Variants in BNIPL observed in about 807,000 individuals in gnomAD.
The protein encoded by BNIPL is BCL2 interacting protein like.
Under a neutral mutation model 47.0 loss-of-function variants are expected in BNIPL, and 33 were observed. The observed-to-expected ratio is 0.70, with a 90% CI of 0.53 to 0.94. The LOEUF (loss-of-function observed/expected upper bound fraction) is 0.94. Ranked by LOEUF, BNIPL falls within the 40% of genes least tolerant of loss-of-function variation. The probability of loss-of-function intolerance (pLI) is 0.00; values close to 1 mark genes in which losing one functional copy is unlikely to be tolerated. For missense variants in BNIPL, 404 were observed against 445.2 expected (o/e 0.91, Z 0.83); for synonymous variants, 145 against 162.7 (o/e 0.89, Z 0.83).
chr1:151,037,206 C>A, intron 1 of BNIPL: 1 of 434,298 alleles, frequency 2.3e-6, no homozygotes, highest in Non-Finnish European at 3.4e-6. Flanking sequence ...GGAGGAAAGG[C>A]AGGCCTAACT....
chr1:151,043,798 CT>C, intron 7 of BNIPL, 71 bp downstream of exon 7: 1 of 1,494,222 alleles, frequency 6.7e-7, no homozygotes, highest in Non-Finnish European at 9.1e-7. Context: ...ATTATTTCTT[CT>C]TCCATTTAGT....
chr1:151,039,058 G>C (rs756549635), intron 4 of BNIPL, 32 bp downstream of exon 4: 1 of 1,535,274 alleles, frequency 6.5e-7, no homozygotes, highest in Non-Finnish European at 8.8e-7. Context: ...TCAGCTGGTA[G>C]AAGTAGAGGC....
At chr1:151,045,367 C>T (rs900127539) in intron 7 of BNIPL, among the ~76,000 whole-genome samples, 3 of 148,082 alleles carry the variant, frequency 2.0e-5, no homozygotes, top group African/African-American at 7.5e-5. Flanking sequence ...GTCAGGAGAT[C>T]GAGACCATGG....
At position 151,045,452 on chromosome 1, in the gene BNIPL, A is replaced by G. The variant is rs1164611498; in HGVS notation, c.852-345A>G. On this transcript the variant is annotated intron_variant, in intron 7 of 9. Coordinates refer to ENST00000368931, the MANE Select transcript of BNIPL (RefSeq NM_138278.4). ...CGGGCGCCTGTAGTCCCAGCTACTCAGGAGGCTGAGGCAGGAGAATGGCAT... is the reference window on the plus strand; with the variant it reads ...CGGGCGCCTGTAGTCCCAGCTACTCGGGAGGCTGAGGCAGGAGAATGGCAT... 11 of 200,638 alleles carry G rather than the reference A, an allele frequency of 5.5e-5. No individual in the cohort carries two copies. The South Asian group carries it at 8.0e-4, about 15-fold the overall frequency. 12.4% of individuals were successfully genotyped at this position (200,638 alleles called of 1,614,324 possible).
chr1:151,043,553 G>C, intron 6 of BNIPL, 43 bp from the exon 7 acceptor site: 1 of 1,587,520 alleles, frequency 6.3e-7, no homozygotes, highest in Non-Finnish European at 8.6e-7. Context: ...CTCACTCTCT[G>C]AAGCCCCTAA....
rs1018495072 is a variant in BNIPL at position 151,044,941 on chromosome 1, G to C, written c.852-856G>C. 5 of 1,289,610 alleles carry C rather than the reference G, an allele frequency of 3.9e-6. No homozygotes were observed. In the African/African-American group the frequency reaches 7.6e-5, roughly 20 times the overall value. The allele number at this position is 1,289,610 out of a possible 1,614,324, so 79.9% of individuals were successfully genotyped here. On this transcript the variant is annotated intron_variant, in intron 7 of 9. Coordinates refer to ENST00000368931, the MANE Select transcript of BNIPL (RefSeq NM_138278.4). ...AAGCATGCAAAAGGAACTTACGCGAGGGTAGAGCACAAGATGGAAATGGAG... is the reference window on the plus strand; with the variant it reads ...AAGCATGCAAAAGGAACTTACGCGACGGTAGAGCACAAGATGGAAATGGAG...
intron 1 of BNIPL, 29 bp downstream of exon 1, chr1:151,036,795 G>T (rs1359487173): frequency 6.3e-7 from 1 of 1,587,082 alleles, no homozygotes; most frequent in East Asian, 2.2e-5. Flanking sequence ...CACTTGATTG[G>T]TAACAGTGAA....
chr1:151,045,319 C>CCCAGCACTTTGGGAGG (rs1431587371), intron 7 of BNIPL, among the ~76,000 whole-genome samples: 1 of 147,810 alleles, frequency 6.8e-6, no homozygotes, highest in Non-Finnish European at 1.5e-5. Flanking sequence ...CACCTGTAAT[C>CCCAGCACTTTGGGAGG]CCAGCACTTT....
At chr1:151,042,282 AT>A (rs893105261) in intron 4 of BNIPL, among the ~76,000 whole-genome samples, 7 of 151,680 alleles carry the variant, frequency 4.6e-5, no homozygotes, top group Non-Finnish European at 1.0e-4. Context: ...TAATTTTATT[AT>A]TTTTTAAATT....
chr1:151,045,800 A>G lies in BNIPL; in HGVS notation c.855A>G (p.Leu285=), dbSNP rs370988337. 1.6e-5 allele frequency: 26 copies of G among 1,614,054 alleles called. No individual in the cohort carries two copies. Among genetic ancestry groups the G allele is most frequent in the Non-Finnish European group, 2.1e-5 (25 of 1,180,026 alleles). ...ATGATCTCATGTTGTTTTTCAGGCT[A>G]CGGAAAAACCTGCGAGCCCTGGTGG... ...RQCYRTLDRR[L]RKNLRALVVV... The change falls in exon 8 of 10, where the codon CTA becomes CTG. Residue 285 remains leucine, a synonymous_variant. Transcript: ENST00000368931.
chr1:151,041,151 C>A (rs903387446), intron 4 of BNIPL, among the ~76,000 whole-genome samples: 1 of 152,018 alleles, frequency 6.6e-6, no homozygotes, highest in African/African-American at 2.4e-5. Context: ...TGCCACTCCA[C>A]TCCAGCCTGG....
intron 4 of BNIPL, 113 bp downstream of exon 4, chr1:151,039,139 G>A (rs188562895): frequency 1.2e-5 from 16 of 1,329,760 alleles, no homozygotes; most frequent in Admixed American, 7.0e-5. Context: ...CAAGGGCTAC[G>A]GCCAGCAAAA....
chr1:151,043,169 G>A (rs1171566581), intron 5 of BNIPL, 31 bp downstream of exon 5: 3 of 1,591,606 alleles, frequency 1.9e-6, no homozygotes, highest in Non-Finnish European at 2.6e-6. Context: ...GGTGTTAAGA[G>A]CTATGGCTTC....
At chr1:151,037,709 A>T (rs1675666396) in intron 2 of BNIPL, 47 bp downstream of exon 2, 1 of 1,499,552 alleles carries the variant, frequency 6.7e-7, no homozygotes, top group African/African-American at 1.4e-5. Context: ...GTGGTCACGA[A>T]TGGACGGAGG....
At chr1:151,036,924 G>A (rs1675621805) in intron 1 of BNIPL, among the ~76,000 whole-genome samples, 158 bp downstream of exon 1, 1 of 152,172 alleles carries the variant, frequency 6.6e-6, no homozygotes, top group Admixed American at 6.5e-5. Context: ...GTTTTAGGTA[G>A]GAAATGTCAG....
chr1:151,039,652 G>T (rs914942385), intron 4 of BNIPL, among the ~76,000 whole-genome samples: 1 of 152,204 alleles, frequency 6.6e-6, no homozygotes, highest in South Asian at 2.1e-4. Context: ...AGATAGTGCT[G>T]CTGGGTTAAG....
chr1:151,043,824 C>A (rs1435589809), intron 7 of BNIPL, 97 bp downstream of exon 7: 2 of 1,407,460 alleles, frequency 1.4e-6, no homozygotes, highest in African/African-American at 2.9e-5. Context: ...TTCCTATTTT[C>A]TTTGTCCTTT....
At chr1:151,040,309 A>G (rs1429952720) in intron 4 of BNIPL, among the ~76,000 whole-genome samples, 3 of 151,536 alleles carry the variant, frequency 2.0e-5, no homozygotes, top group Non-Finnish European at 2.9e-5. Context: ...CCTCCCAAGT[A>G]TCTGGGACTA....
At position 151,037,658 on chromosome 1, in the gene BNIPL, C is replaced by T. The variant is rs1329871054; in HGVS notation, c.133C>T (p.Pro45Ser). The T allele has an allele frequency of 1.3e-6, 2 of 1,594,676 alleles. No homozygotes were observed. The highest frequency in any genetic ancestry group is 1.7e-5 in the Admixed American group (1 of 57,240). Residue 45 changes from proline to serine, a missense_variant, in exon 2 of 10, where the codon CCT becomes TCT. Pro to Ser is a moderately conservative substitution (Grantham distance 74, BLOSUM62 -1). Transcript: ENST00000368931. Reference sequence around the variant, plus strand: ...GGAGGAATGGCAGGATGAAGAATTCCCTAGGTGAGGACGTGTGAGGGTGGC... The same window carrying T: ...GGAGGAATGGCAGGATGAAGAATTCTCTAGGTGAGGACGTGTGAGGGTGGC... The part of the protein sequence containing the change: ...LKEEWQDEEF[P>S]RLLPEEAGTS...
Sources: allele counts gnomAD v4.1 joint callset (sites outside exome capture counted in the v4.1 genomes callset), GRCh38; gene constraint gnomAD v4.1.1; transcripts MANE v1.5; gene names NCBI Gene and HGNC (gene_info 2026-07-23, HGNC 2026-07-21).